CDH13: variants seen among roughly 807,000 people sequenced by gnomAD.
The protein encoded by CDH13 is cadherin-13.
In CDH13, 24 loss-of-function variants were observed where a neutral mutation model predicts 63.8. That is an observed-to-expected ratio of 0.38 (90% CI 0.27 to 0.53). The LOEUF is 0.53. CDH13 is among the 20% of genes least tolerant of loss of function. The probability of loss-of-function intolerance (pLI) is 0.85; values close to 1 mark genes in which losing one functional copy is unlikely to be tolerated. For missense variants in CDH13, 1,049 were observed against 903.1 expected (o/e 1.16, Z -2.07); for synonymous variants, 503 against 355.3 (o/e 1.42, Z -4.67).
intron 8 of CDH13, among the ~76,000 whole-genome samples, chr16:83,659,122 CAGGTCCCATGTCCTCACCAGCA>C (rs1913195976): frequency 2.0e-5 from 3 of 146,952 alleles, no homozygotes; most frequent in Non-Finnish European, 4.5e-5. Flanking sequence ...TCCTCACCAC[CAGGTCCCATGTCCTCACCAGCA>C]AGGTCCCATG....
At chr16:83,436,068 C>T (rs1005467790) in intron 6 of CDH13, among the ~76,000 whole-genome samples, 7 of 152,132 alleles carry the variant, frequency 4.6e-5, no homozygotes, top group African/African-American at 9.7e-5. Flanking sequence ...CCAGGAGTGC[C>T]GCTTCATATC....
intron 6 of CDH13, among the ~76,000 whole-genome samples, chr16:83,357,451 G>C (rs1306050034): frequency 6.6e-6 from 1 of 152,172 alleles, no homozygotes; most frequent in Non-Finnish European, 1.5e-5. Context: ...CACGTTTGAT[G>C]TGGTTTAACT....
At chr16:83,135,183 C>A (rs1044414924) in intron 4 of CDH13, among the ~76,000 whole-genome samples, 9 of 152,276 alleles carry the variant, frequency 5.9e-5, no homozygotes, top group Middle Eastern at 6.8e-3. Context: ...ATAAAGTAGG[C>A]AATCCTACAC....
chr16:83,504,353 C>CTGTG (rs1175338666), intron 7 of CDH13, among the ~76,000 whole-genome samples: 5 of 152,202 alleles, frequency 3.3e-5, no homozygotes, highest in Non-Finnish European at 4.4e-5. Flanking sequence ...TGAAGATCTG[C>CTGTG]TGTGCATGAA....
At chr16:82,837,456 C>T (rs199544693) in intron 1 of CDH13, among the ~76,000 whole-genome samples, 3 of 149,510 alleles carry the variant, frequency 2.0e-5, no homozygotes, top group Non-Finnish European at 4.5e-5. Flanking sequence ...GTCCTAGAGT[C>T]CCCAAGGCCA....
intron 6 of CDH13, among the ~76,000 whole-genome samples, chr16:83,405,126 C>G (rs1401402386): frequency 8.3e-5 from 12 of 145,138 alleles, no homozygotes; most frequent in Non-Finnish European, 1.2e-4. Flanking sequence ...CCCAATCCCT[C>G]TAGCTCTCAA....
chr16:83,727,299 A>G (rs1325238524), intron 10 of CDH13, among the ~76,000 whole-genome samples: 1 of 152,144 alleles, frequency 6.6e-6, no homozygotes, highest in Non-Finnish European at 1.5e-5. Context: ...ATGGTTTTGT[A>G]GCAGAAAGAC....
intron 8 of CDH13, among the ~76,000 whole-genome samples, chr16:83,664,626 T>C (rs928869105): frequency 6.6e-6 from 1 of 152,110 alleles, no homozygotes; most frequent in Non-Finnish European, 1.5e-5. Flanking sequence ...CGTTTTCTTC[T>C]AAGAACTTTA....
chr16:83,455,898 A>G (rs922688834), intron 6 of CDH13, among the ~76,000 whole-genome samples: 1 of 152,244 alleles, frequency 6.6e-6, no homozygotes, highest in Non-Finnish European at 1.5e-5. Context: ...AGCTCTGGAA[A>G]AACGACAGAC....
chr16:82,695,471 C>T (rs373747050), intron 1 of CDH13, among the ~76,000 whole-genome samples: 1 of 152,280 alleles, frequency 6.6e-6, no homozygotes, highest in South Asian at 2.1e-4. Flanking sequence ...AGGGTTAGCA[C>T]GTGGCTCCAA....
intron 11 of CDH13, among the ~76,000 whole-genome samples, chr16:83,763,940 G>A (rs1000393674): frequency 6.6e-6 from 1 of 152,124 alleles, no homozygotes; most frequent in Non-Finnish European, 1.5e-5. Context: ...GATGAGTTCA[G>A]CTCCGCATCT....
At chr16:83,012,514 T>G (rs1341672800) in intron 2 of CDH13, among the ~76,000 whole-genome samples, 2 of 152,092 alleles carry the variant, frequency 1.3e-5, no homozygotes, top group Non-Finnish European at 2.9e-5. Flanking sequence ...GCAGAAAAAT[T>G]AGACATCTTC....
intron 8 of CDH13, among the ~76,000 whole-genome samples, chr16:83,613,967 T>C (rs1909075303): frequency 6.6e-6 from 1 of 152,188 alleles, no homozygotes; most frequent in Non-Finnish European, 1.5e-5. Flanking sequence ...TTTAGTCAAA[T>C]TATTTACAAT....
At chr16:83,244,959 G>A (rs1005443006) in intron 5 of CDH13, among the ~76,000 whole-genome samples, 24 of 151,958 alleles carry the variant, frequency 1.6e-4, no homozygotes, top group Non-Finnish European at 7.4e-5. Context: ...ATATCTATTT[G>A]TACGGTTTAG....
chr16:83,252,129 C>CACACACACACACACACACACAT (rs377101317), intron 5 of CDH13, among the ~76,000 whole-genome samples: 5 of 89,184 alleles, frequency 5.6e-5, no homozygotes, highest in African/African-American at 2.5e-4. Context: ...CACACACACA[C>CACACACACACACACACACACAT]ATATATATGT....
rs543579182 is a variant in CDH13, at chr16:82,665,677, A to T, written c.45+38540A>T. Among the ~76,000 whole-genome samples, 21 of 151,936 alleles carry T rather than the reference A, an allele frequency of 1.4e-4. No individual in the cohort carries two copies. In the South Asian group the frequency reaches 4.2e-3, roughly 30 times the overall value. Reference sequence around the variant, plus strand: ...CCTTCCTCAACTATGTCATGCCTCAACTCTGCTTGGACTCTGCCCAACTCC... The same window carrying T: ...CCTTCCTCAACTATGTCATGCCTCATCTCTGCTTGGACTCTGCCCAACTCC... On this transcript the variant is annotated intron_variant, in intron 1 of 13. Coordinates refer to ENST00000567109, the MANE Select transcript of CDH13 (RefSeq NM_001257.5).
chr16:83,767,196 C>T (rs1321622691), intron 11 of CDH13, among the ~76,000 whole-genome samples: 2 of 151,716 alleles, frequency 1.3e-5, no homozygotes, highest in African/African-American at 4.8e-5. Flanking sequence ...ATATCTAGTC[C>T]TTTGTGTTCC....
intron 3 of CDH13, among the ~76,000 whole-genome samples, chr16:83,117,784 C>G (rs2035377213): frequency 6.6e-6 from 1 of 151,146 alleles, no homozygotes; most frequent in Non-Finnish European, 1.5e-5. Context: ...TTCCCACCCT[C>G]AACCCCTCCC....
At chr16:83,596,136 G>A (rs561792843) in intron 7 of CDH13, among the ~76,000 whole-genome samples, 10 of 152,298 alleles carry the variant, frequency 6.6e-5, no homozygotes, top group Admixed American at 2.0e-4. Context: ...TTGAGAATGG[G>A]GTTGACCTTG....
Sources: gnomAD v4.1 joint callset for allele counts (sites outside exome capture counted in the v4.1 genomes callset) on GRCh38, gnomAD v4.1.1 for gene constraint, MANE v1.5 for transcripts, NCBI Gene and HGNC (gene_info 2026-07-23, HGNC 2026-07-21) for gene names.